FAM53A: variants seen among roughly 807,000 people sequenced by gnomAD.
The protein encoded by FAM53A is family with sequence similarity 53 member A, also known as protein FAM53A.
A neutral mutation model predicts 26.6 loss-of-function variants in FAM53A; 28 were observed. The observed-to-expected ratio is 1.05, with a 90% confidence interval of 0.78 to 1.45. The LOEUF (loss-of-function observed/expected upper bound fraction) is 1.45, where lower values mean the gene tolerates loss of function less well. Ranked by LOEUF, FAM53A falls within the 40% of genes most tolerant of loss-of-function variation. The probability of loss-of-function intolerance (pLI) is 0.00; values close to 1 mark genes in which losing one functional copy is unlikely to be tolerated. For missense variants in FAM53A, 650 were observed against 575.8 expected (o/e 1.13, Z -1.32); for synonymous variants, 290 against 253.1 (o/e 1.15, Z -1.38).
intron 1 of FAM53A, among the ~76,000 whole-genome samples, chr4:1,625,860 G>A (rs959781447): frequency 2.6e-5 from 4 of 152,090 alleles, no homozygotes; most frequent in Non-Finnish European, 5.9e-5. Context: ...TGAAGCCACC[G>A]CCCTGGCCAG....
Position 1,655,219 on chromosome 4 carries a change from C to G in FAM53A, c.641G>C (p.Cys214Ser). 6.5e-7 allele frequency: 1 copy of G among 1,547,922 alleles called. No homozygotes were observed. Among genetic ancestry groups the G allele is most frequent in the Non-Finnish European group, 8.6e-7 (1 of 1,156,744 alleles). ...SGPLWCSAES[C>S]LPSTRRRPSL... ...CGGGCGGCGCCTCGTGGAGGGCAAGCAGGACTCCGCGGAACACCAGAGCGG... is the reference window on the plus strand; with the variant it reads ...CGGGCGGCGCCTCGTGGAGGGCAAGGAGGACTCCGCGGAACACCAGAGCGG... Residue 214 changes from cysteine to serine, a missense_variant, in exon 4 of 5, where the codon TGC (cysteine) becomes TCC (serine). Cys to Ser is a moderately radical substitution (Grantham distance 112, BLOSUM62 -1). Transcript: ENST00000308132.
At position 1,645,035 on chromosome 4, in the gene FAM53A, C is replaced by T. The variant is rs1035797658; in HGVS notation, c.883-3428G>A. The T allele has an allele frequency of 2.0e-5, 3 of 152,544 alleles. No homozygotes were observed. In the South Asian group the frequency reaches 6.2e-4, roughly 32 times the overall value. 9.4% of individuals were successfully genotyped at this position (152,544 alleles called of 1,614,324 possible). A position where few individuals can be genotyped will look rare whatever the true frequency, so the allele number is the denominator to read the frequency against. ...GTGGGAGGGGCTCACAGGGTCCCCT[C>T]ACAGCCAAGGCGGCCCTGGCCGTGG... On this transcript the variant is annotated intron_variant, in intron 4 of 4. Transcript: ENST00000308132.
At chr4:1,623,627 C>A (rs1280008506) in intron 1 of FAM53A, among the ~76,000 whole-genome samples, 1 of 152,214 alleles carries the variant, frequency 6.6e-6, no homozygotes, top group Non-Finnish European at 1.5e-5. Context: ...CGTCAGCAGA[C>A]GGCCGCCCGC....
chr4:1,586,153 A>G, the FAM53A span, among the ~76,000 whole-genome samples: 1 of 152,150 alleles, frequency 6.6e-6, no homozygotes, highest in East Asian at 1.9e-4. Context: ...AAATAGTACT[A>G]TCATGAACAT....
chr4:1,649,229 G>C (rs1001380235), intron 4 of FAM53A, among the ~76,000 whole-genome samples: 2 of 149,912 alleles, frequency 1.3e-5, no homozygotes, highest in Admixed American at 6.6e-5. Context: ...GGGAAGAGGA[G>C]GGGAGGAAAG....
chr4:1,656,511 G>C (rs1163521821), intron 3 of FAM53A, among the ~76,000 whole-genome samples: 1 of 152,106 alleles, frequency 6.6e-6, no homozygotes, highest in Non-Finnish European at 1.5e-5. Flanking sequence ...GGGCTGTGGG[G>C]AGGAGACGTG....
chr4:1,661,508 T>A (rs1713832037), intron 2 of FAM53A, among the ~76,000 whole-genome samples: 1 of 152,132 alleles, frequency 6.6e-6, no homozygotes, highest in Non-Finnish European at 1.5e-5. Context: ...ACACGTGACC[T>A]TCAGGCCCTA....
the FAM53A span, among the ~76,000 whole-genome samples, chr4:1,588,124 T>C: frequency 2.0e-5 from 3 of 152,260 alleles, no homozygotes; most frequent in African/African-American, 4.8e-5. Flanking sequence ...TCTGCTTTCA[T>C]GCCCGCCTTT....
At chr4:1,644,050 G>A (rs981221696) in intron 4 of FAM53A, 19 of 1,169,864 alleles carry the variant, frequency 1.6e-5, no homozygotes, top group Middle Eastern at 2.4e-4. Context: ...GTGGAGGTCC[G>A]GGTCTCACCA....
chr4:1,621,193 C>T (rs1247287247), intron 1 of FAM53A, among the ~76,000 whole-genome samples: 1 of 148,634 alleles, frequency 6.7e-6, no homozygotes, highest in African/African-American at 2.5e-5. Flanking sequence ...GGCTCCGCCC[C>T]CCAGGGTTCA....
At chr4:1,600,603 G>A in the FAM53A span, among the ~76,000 whole-genome samples, 1 of 152,192 alleles carries the variant, frequency 6.6e-6, no homozygotes, top group Admixed American at 6.5e-5. Context: ...GGCACACTGC[G>A]GTCCCCATCG....
intron 1 of FAM53A, among the ~76,000 whole-genome samples, chr4:1,629,985 C>A (rs1341968671): frequency 6.6e-6 from 1 of 152,208 alleles, no homozygotes; most frequent in Non-Finnish European, 1.5e-5. Context: ...TCCCCTCTCC[C>A]AGACCTTCCC....
chr4:1,587,885 A>G, the FAM53A span, among the ~76,000 whole-genome samples: 1 of 152,104 alleles, frequency 6.6e-6, no homozygotes, highest in Non-Finnish European at 1.5e-5. Flanking sequence ...AAATGATTGT[A>G]TTTTAATTTA....
At chr4:1,653,634 G>A (rs749682001) in intron 4 of FAM53A, among the ~76,000 whole-genome samples, 1 of 152,212 alleles carries the variant, frequency 6.6e-6, no homozygotes, top group Non-Finnish European at 1.5e-5. Context: ...CATAGCAAAA[G>A]ATCAGAGCCT....
downstream of FAM53A, among the ~76,000 whole-genome samples, chr4:1,615,309 CACCCACCCCACCTGG>C (rs1714769077): frequency 6.8e-6 from 1 of 146,370 alleles, no homozygotes; most frequent in Non-Finnish European, 1.5e-5. Context: ...GATGCGGCCA[CACCCACCCCACCTGG>C]GCGCACACTG....
At chr4:1,674,258 T>C (rs913346350) in intron 1 of FAM53A, among the ~76,000 whole-genome samples, 2 of 152,182 alleles carry the variant, frequency 1.3e-5, no homozygotes, top group African/African-American at 4.8e-5. Context: ...TCTGTCACCA[T>C]GCGGCCTTCT....
At chr4:1,652,706 AAC>A (rs1417213494) in intron 4 of FAM53A, among the ~76,000 whole-genome samples, 5 of 138,708 alleles carry the variant, frequency 3.6e-5, no homozygotes, top group African/African-American at 8.2e-5. Flanking sequence ...CCACACACAG[AAC>A]ACACACCACA....
chr4:1,616,867 T>C (rs1714829265), downstream of FAM53A, among the ~76,000 whole-genome samples: 1 of 152,264 alleles, frequency 6.6e-6, no homozygotes, highest in Non-Finnish European at 1.5e-5. Context: ...CTGGGCACCG[T>C]GGCTCATGCC....
At chr4:1,684,631 C>T (rs1324267935), upstream of FAM53A, among the ~76,000 whole-genome samples, 1 of 151,838 alleles carries the variant, frequency 6.6e-6, no homozygotes, top group Non-Finnish European at 1.5e-5. Context: ...CCTGAGGCGG[C>T]GGGGCAGGAC....
Sources: gnomAD v4.1 joint callset for allele counts (sites outside exome capture counted in the v4.1 genomes callset) on GRCh38, gnomAD v4.1.1 for gene constraint, MANE v1.5 for transcripts, NCBI Gene and HGNC (gene_info 2026-07-23, HGNC 2026-07-21) for gene names.